Variants in ELMO1 observed in about 807,000 individuals in gnomAD.
ELMO1 encodes the protein engulfment and cell motility protein 1.
In ELMO1, 26 loss-of-function variants were observed where a neutral mutation model predicts 98.9. The ratio of observed to expected loss-of-function variants is 0.26; its 90% confidence interval spans 0.19 to 0.36. The LOEUF is 0.36. Among genes scored for constraint, ELMO1 ranks in the 10% least tolerant of loss-of-function variants. ELMO1 has a pLI of 1.00. For missense variants in ELMO1, 627 were observed against 935.2 expected, an observed-to-expected ratio of 0.67 and a Z score of 4.30; for synonymous variants, 346 against 346.0, an observed-to-expected ratio of 1.00 and a Z score of 0.00.
chr7:37,074,084 A>C lies in ELMO1; in HGVS notation c.1300+22535T>G, dbSNP rs187453848. ...TACAGTATAATTAAATATATAGTAT[A>C]AATATATAGTATGCAAAAATATATA... On this transcript the variant is annotated intron_variant, in intron 15 of 21. Transcript: ENST00000310758. Among the ~76,000 whole-genome samples, 367 of 148,312 alleles carry C rather than the reference A, an allele frequency of 2.5e-3. 2 individuals carry two copies. Among genetic ancestry groups the C allele is most frequent in the African/African-American group, 8.6e-3 (353 of 40,934 alleles).
chr7:37,081,675 G>A (rs990520056), intron 15 of ELMO1, among the ~76,000 whole-genome samples: 2 of 152,108 alleles, frequency 1.3e-5, no homozygotes, highest in Non-Finnish European at 2.9e-5. Context: ...CTTTTGCCTT[G>A]GGCCATGATT....
intron 13 of ELMO1, among the ~76,000 whole-genome samples, chr7:37,136,787 A>T (rs1408305555): frequency 1.3e-5 from 2 of 152,204 alleles, no homozygotes; most frequent in African/African-American, 4.8e-5. Flanking sequence ...CTTAAAGCAT[A>T]TATCTCAGAG....
chr7:37,015,998 A>G (rs1400263868), intron 15 of ELMO1, among the ~76,000 whole-genome samples: 1 of 152,252 alleles, frequency 6.6e-6, no homozygotes, highest in African/African-American at 2.4e-5. Flanking sequence ...GCCCTGGGCA[A>G]TGAGCGGTTG....
chr7:37,287,083 T>C (rs909502655), intron 4 of ELMO1, among the ~76,000 whole-genome samples: 3 of 151,830 alleles, frequency 2.0e-5, no homozygotes, highest in African/African-American at 4.8e-5. Context: ...GTTCCAGCTA[T>C]TTGAGAGGCT....
intron 4 of ELMO1, among the ~76,000 whole-genome samples, chr7:37,292,989 A>C (rs1583475685): frequency 1.9e-5 from 1 of 52,676 alleles, no homozygotes; most frequent in East Asian, 1.1e-3. Flanking sequence ...GGCCGCCCCT[A>C]CTGGGAAGTG....
chr7:37,204,896 G>A (rs183719309), intron 13 of ELMO1, among the ~76,000 whole-genome samples: 112 of 151,672 alleles, frequency 7.4e-4, no homozygotes, highest in African/African-American at 2.3e-3. Flanking sequence ...TGATTGGTGC[G>A]TTTACAATCC....
At chr7:37,436,602 C>G (rs181097920) in intron 1 of ELMO1, among the ~76,000 whole-genome samples, 1 of 152,242 alleles carries the variant, frequency 6.6e-6, no homozygotes, top group African/African-American at 2.4e-5. Flanking sequence ...TCCTTAAAAG[C>G]TGTTACTAAG....
rs145290871 is a variant in ELMO1 at position 37,064,071 on chromosome 7, C to T, written c.1300+32548G>A. Among the ~76,000 whole-genome samples the T allele has an allele frequency of 5.1e-4, 77 of 152,230 alleles. No homozygotes were observed. The East Asian group carries it at 0.013, about 25-fold the overall frequency. ...CCATGGGCTTCTTTCTCTGGGCCTA[C>T]ATGGAGCAGCTGAAGTGTCTGCAAG... On this transcript the variant is annotated intron_variant, in intron 15 of 21. Coordinates refer to ENST00000310758, the MANE Select transcript of ELMO1 (RefSeq NM_014800.11).
At chr7:36,985,149 C>T in intron 16 of ELMO1, 1 of 979,668 alleles carries the variant, frequency 1.0e-6, no homozygotes, top group Non-Finnish European at 1.2e-6. Context: ...AAATTAAACC[C>T]CAGGGAGCAG....
intron 16 of ELMO1, among the ~76,000 whole-genome samples, chr7:36,918,324 T>C (rs1001018247): frequency 1.3e-5 from 2 of 152,202 alleles, no homozygotes; most frequent in African/African-American, 4.8e-5. Flanking sequence ...CAACACCTAT[T>C]TGCTCCCCCT....
rs188085980 is a variant in ELMO1, at chr7:37,233,433, G to C, written c.450-239C>G. 2.0e-5 allele frequency among the ~76,000 whole-genome samples: 3 copies of C among 152,224 alleles called. No individual in the cohort carries two copies. The South Asian group carries it at 6.2e-4, about 32-fold the overall frequency. ...CAGGGCTTCAGCATCCAACAGACCC[G>C]GGCTCACACCAACTCTCGTTCTGGT... On this transcript the variant is annotated intron_variant, in intron 7 of 21. Coordinates refer to ENST00000310758, the MANE Select transcript of ELMO1 (RefSeq NM_014800.11).
At chr7:37,270,855 C>T (rs1164367331) in intron 5 of ELMO1, 2 of 150,388 alleles carry the variant, frequency 1.3e-5, no homozygotes, top group African/African-American at 2.4e-5. Flanking sequence ...ATTAAAGCTA[C>T]AAAATACTTA....
intron 21 of ELMO1, among the ~76,000 whole-genome samples, chr7:36,858,764 C>T (rs1802395094): frequency 6.6e-6 from 1 of 152,032 alleles, no homozygotes; most frequent in Non-Finnish European, 1.5e-5. Context: ...CCAGCCATTG[C>T]AATGGATGGA....
At chr7:37,308,359 A>G (rs1368338442) in intron 4 of ELMO1, among the ~76,000 whole-genome samples, 4 of 152,160 alleles carry the variant, frequency 2.6e-5, no homozygotes, top group Non-Finnish European at 4.4e-5. Flanking sequence ...AAAAGCCTTG[A>G]CAATCAGGGC....
intron 4 of ELMO1, among the ~76,000 whole-genome samples, chr7:37,293,915 A>G (rs954525754): frequency 6.6e-6 from 1 of 151,900 alleles, no homozygotes; most frequent in Non-Finnish European, 1.5e-5. Flanking sequence ...TTTCATATAT[A>G]TAAAATTGAG....
At position 37,092,590 on chromosome 7, in the gene ELMO1, C is replaced by T. The variant is rs997449654; in HGVS notation, c.1300+4029G>A. 5.1e-4 allele frequency among the ~76,000 whole-genome samples: 77 copies of T among 151,892 alleles called. 1 individual carries two copies. Among genetic ancestry groups the T allele is most frequent in the Non-Finnish European group, 8.4e-4 (57 of 67,924 alleles). On this transcript the variant is annotated intron_variant, in intron 15 of 21. Coordinates refer to ENST00000310758, the MANE Select transcript of ELMO1 (RefSeq NM_014800.11). ...ATGGGTTTCACCGTGTTAGACAGGA[C>T]GGTCTTGATCTCCTGACCTTGTGAT...
At chr7:37,369,103 G>T (rs944423961) in intron 1 of ELMO1, among the ~76,000 whole-genome samples, 1 of 152,150 alleles carries the variant, frequency 6.6e-6, no homozygotes, top group Non-Finnish European at 1.5e-5. Context: ...AAGATTAAGA[G>T]AGCCCAATAT....
chr7:37,259,537 G>GTCTGC, intron 5 of ELMO1, among the ~76,000 whole-genome samples, 187 bp from the exon 6 acceptor site: 1 of 152,156 alleles, frequency 6.6e-6, no homozygotes, highest in Non-Finnish European at 1.5e-5. Context: ...TCAGAGCGAG[G>GTCTGC]TCTGCTCATG....
intron 16 of ELMO1, among the ~76,000 whole-genome samples, chr7:36,947,433 T>A (rs1787590798): frequency 2.0e-5 from 3 of 152,052 alleles, no homozygotes; most frequent in Non-Finnish European, 4.4e-5. Context: ...TCCAACTCAC[T>A]CTCCATCACA....
Sources: gnomAD v4.1 joint callset for allele counts (sites outside exome capture counted in the v4.1 genomes callset) on GRCh38, gnomAD v4.1.1 for gene constraint, MANE v1.5 for transcripts, NCBI Gene and HGNC (gene_info 2026-07-23, HGNC 2026-07-21) for gene names.